Variants in SENP7 observed in about 807,000 individuals in gnomAD.
The protein encoded by SENP7 is SUMO specific peptidase 7.
In SENP7, 64 loss-of-function variants were observed where a neutral mutation model predicts 141.2. The observed-to-expected ratio is 0.45, with a 90% CI of 0.37 to 0.56. SENP7 has a LOEUF of 0.56. Among genes scored for constraint, SENP7 ranks in the 20% least tolerant of loss-of-function variants. The pLI is 0.00. For synonymous variants in SENP7, 382 were observed against 426.4 expected, an observed-to-expected ratio of 0.90 and a Z score of 1.28; for missense variants, 1,025 against 1,212.2, an observed-to-expected ratio of 0.85 and a Z score of 2.29.
At chr3:101,512,564 G>A (rs902796261) in intron 1 of SENP7, among the ~76,000 whole-genome samples, 3 of 152,250 alleles carry the variant, frequency 2.0e-5, no homozygotes, top group African/African-American at 7.2e-5. Context: ...GGCCTGTTCA[G>A]CAGAACGAGA....
intron 4 of SENP7, among the ~76,000 whole-genome samples, chr3:101,455,022 T>G (rs1279460560): frequency 2.0e-5 from 3 of 152,144 alleles, no homozygotes; most frequent in Admixed American, 6.5e-5. Context: ...AAACTTAATT[T>G]TTAAAAAAGC....
chr3:101,453,934 T>TGCC (rs2107846671), intron 4 of SENP7, among the ~76,000 whole-genome samples: 2 of 151,116 alleles, frequency 1.3e-5, no homozygotes, highest in South Asian at 4.2e-4. Context: ...ATCATTTAGT[T>TGCC]ATTAGGAAAT....
chr3:101,407,210 T>C (rs959253267), intron 5 of SENP7, among the ~76,000 whole-genome samples: 6 of 152,124 alleles, frequency 3.9e-5, no homozygotes, highest in Non-Finnish European at 5.9e-5. Context: ...GGGCATTATA[T>C]AAGGACAAAA....
chr3:101,373,323 A>G (rs938281783), intron 6 of SENP7, among the ~76,000 whole-genome samples: 3 of 152,172 alleles, frequency 2.0e-5, no homozygotes, highest in Non-Finnish European at 2.9e-5. Flanking sequence ...TCATTCTTGA[A>G]GAATAAGGGC....
intron 7 of SENP7, 27 bp from the exon 8 acceptor site, chr3:101,368,038 T>C: frequency 6.4e-7 from 1 of 1,556,750 alleles, no homozygotes; most frequent in Non-Finnish European, 8.7e-7. Flanking sequence ...AGCATAAATA[T>C]GGACAAAAAA....
At chr3:101,467,418 A>G (rs2063800664) in intron 3 of SENP7, among the ~76,000 whole-genome samples, 1 of 152,184 alleles carries the variant, frequency 6.6e-6, no homozygotes, top group Admixed American at 6.5e-5. Context: ...TAACTGGGAG[A>G]CGCCTCCCAT....
At chr3:101,397,288 C>T (rs1455352909) in intron 6 of SENP7, among the ~76,000 whole-genome samples, 1 of 152,170 alleles carries the variant, frequency 6.6e-6, no homozygotes, top group African/African-American at 2.4e-5. Context: ...TGCACCATCA[C>T]ATCTGGCTCA....
intron 16 of SENP7, among the ~76,000 whole-genome samples, chr3:101,339,621 G>T (rs2059278992): frequency 6.6e-6 from 1 of 152,040 alleles, no homozygotes; most frequent in Admixed American, 6.6e-5. Context: ...AGGAGGCTGA[G>T]GCAGGAAAAT....
intron 11 of SENP7, chr3:101,357,884 A>G: frequency 1.8e-6 from 1 of 566,106 alleles, no homozygotes; most frequent in Non-Finnish European, 3.2e-6. Context: ...AGCTGCCTCT[A>G]ACCTTACTAC....
intron 5 of SENP7, among the ~76,000 whole-genome samples, chr3:101,405,348 C>T (rs533735482): frequency 1.2e-4 from 19 of 152,224 alleles, no homozygotes; most frequent in African/African-American, 2.9e-4. Flanking sequence ...ACTACAGCTC[C>T]GCTCTCAGGA....
intron 18 of SENP7, among the ~76,000 whole-genome samples, 158 bp from the exon 19 acceptor site, chr3:101,332,267 C>A (rs2062318): frequency 0.4 from 60,340 of 151,920 alleles, 12,496 homozygotes; most frequent in Admixed American, 0.54. Flanking sequence ...CATATCAACA[C>A]TAAATATCCA....
chr3:101,436,845 T>C (rs1376146230), intron 4 of SENP7, among the ~76,000 whole-genome samples: 1 of 152,178 alleles, frequency 6.6e-6, no homozygotes, highest in Non-Finnish European at 1.5e-5. Flanking sequence ...TAAATTAATA[T>C]AACCACTATG....
chr3:101,326,813 G>A (rs577881387), intron 23 of SENP7, among the ~76,000 whole-genome samples: 1 of 152,170 alleles, frequency 6.6e-6, no homozygotes, highest in South Asian at 2.1e-4. Context: ...TGGGACTCCA[G>A]TAACATGTAA....
intron 11 of SENP7, among the ~76,000 whole-genome samples, chr3:101,361,371 C>T (rs553089213): frequency 1.2e-4 from 18 of 152,166 alleles, no homozygotes; most frequent in African/African-American, 3.6e-4. Flanking sequence ...AGTTTACAAC[C>T]GTTTAAACTG....
In SENP7 at chr3:101,367,911, G is replaced by T. The variant is rs770720339; in HGVS notation, c.897C>A (p.Ser299=). 1 of 1,611,298 alleles carries T rather than the reference G, an allele frequency of 6.2e-7. No individual in the cohort carries two copies. The highest frequency in any genetic ancestry group is 1.7e-5 in the Admixed American group (1 of 59,946). ...SDSKVELTLI[S]RKTKRRLRNN... is the part of the protein sequence containing the mutation. Reference sequence around the variant, plus strand: ...TTCTAAGCCTTCTCTTTGTCTTCCTGGAAATCAGAGTGAGTTCCACTTTTG... The same window carrying T: ...TTCTAAGCCTTCTCTTTGTCTTCCTTGAAATCAGAGTGAGTTCCACTTTTG... Residue 299 remains serine, a synonymous_variant, in exon 8 of 24, where the codon TCC becomes TCA. Coordinates refer to ENST00000394095, the MANE Select transcript of SENP7 (RefSeq NM_020654.5).
At chr3:101,512,945 G>A (rs2065922921) in intron 1 of SENP7, 146 bp downstream of exon 1, 1 of 869,298 alleles carries the variant, frequency 1.2e-6, no homozygotes, top group African/African-American at 1.6e-5. Flanking sequence ...GGCGACCCGG[G>A]AGCCTTCCAT....
In SENP7 at chr3:101,417,611, C is replaced by T; in HGVS notation, c.464G>A (p.Ser155Asn). ...TCQKLEPLRQ[S>N]LNLSERIPRV... ...AACATACCTTTCAGATAAATTAAGGCTTTGGCGAAGAGGTTCTAATTTTTG... is the reference window on the plus strand; with the variant it reads ...AACATACCTTTCAGATAAATTAAGGTTTTGGCGAAGAGGTTCTAATTTTTG... The change falls in exon 5 of 24, where the codon AGC becomes AAC. Residue 155 changes from serine to asparagine, a missense_variant. By Grantham distance (46) the Ser-to-Asn change is conservative. This residue lies in a region of SENP7 where 496 missense variants were observed against 503.5 expected (regional missense o/e 0.99). Coordinates refer to ENST00000394095, the MANE Select transcript of SENP7 (RefSeq NM_020654.5). The T allele has an allele frequency of 6.2e-7, 1 of 1,613,582 alleles. No homozygotes were observed. The highest frequency in any genetic ancestry group is 8.5e-7 in the Non-Finnish European group (1 of 1,179,594).
chr3:101,414,664 G>T (rs963377807), intron 5 of SENP7: 126 of 1,285,682 alleles, frequency 9.8e-5, no homozygotes, highest in Admixed American at 1.7e-4. Context: ...GGGGGCTGAG[G>T]GCAAGAATAT....
At chr3:101,492,752 C>G (rs958669580) in intron 3 of SENP7, among the ~76,000 whole-genome samples, 3 of 152,206 alleles carry the variant, frequency 2.0e-5, no homozygotes, top group African/African-American at 7.2e-5. Flanking sequence ...AATCCCAGCA[C>G]TCTGGGAGAC....
Sources: allele counts gnomAD v4.1 joint callset (sites outside exome capture counted in the v4.1 genomes callset), GRCh38; gene constraint gnomAD v4.1.1; regional missense constraint gnomAD v4.1.1; transcripts MANE v1.5; gene names NCBI Gene and HGNC (gene_info 2026-07-23, HGNC 2026-07-21).